Variants in EBF1 observed in about 807,000 individuals in gnomAD.
EBF1 encodes transcription factor COE1.
A neutral mutation model predicts 68.4 loss-of-function variants in EBF1; 10 were observed. That is an observed-to-expected ratio of 0.15 (90% confidence interval 0.09 to 0.25). The LOEUF (loss-of-function observed/expected upper bound fraction) is 0.25. Ranked by LOEUF, EBF1 falls within the 10% of genes least tolerant of loss-of-function variation. EBF1 has a pLI of 1.00. For missense variants in EBF1, 509 were observed against 794.4 expected (o/e 0.64, Z 4.32); for synonymous variants, 298 against 299.8 (o/e 0.99, Z 0.06).
chr5:158,713,055 C>A lies in EBF1; in HGVS notation c.1284G>T (p.Ser428=). The change falls in exon 13 of 16, where the codon TCG becomes TCT. Residue 428 remains serine (S), a synonymous_variant. Transcript: ENST00000313708. ...HNQLPALANT[S]VHAGMMGVNS... The stretch of plus-strand genomic sequence containing the variant: ...TCACGCCCATCATCCCTGCGTGGAC[C>A]GAGGTGTTAGCAAGGGCCGGGAGTT... The A allele has an allele frequency of 6.3e-7, 1 of 1,599,198 alleles. No individual in the cohort carries two copies. The highest frequency in any genetic ancestry group is 8.5e-7 in the Non-Finnish European group (1 of 1,171,650).
At chr5:159,073,299 C>A in intron 6 of EBF1, 97 bp downstream of exon 6, 1 of 1,295,078 alleles carries the variant, frequency 7.7e-7, no homozygotes, top group South Asian at 1.3e-5. Context: ...CAAATTTCAG[C>A]CACATGCATT....
chr5:158,830,620 C>T (rs994441253), intron 7 of EBF1, among the ~76,000 whole-genome samples: 1 of 111,860 alleles, frequency 8.9e-6, no homozygotes, highest in African/African-American at 3.1e-5. Flanking sequence ...CTGGACTCTC[C>T]TAATACTTCC....
chr5:158,826,214 AAC>A (rs1405864377), intron 7 of EBF1, among the ~76,000 whole-genome samples: 6 of 152,314 alleles, frequency 3.9e-5, no homozygotes, highest in Non-Finnish European at 7.4e-5. Flanking sequence ...TGCCCAGAGA[AAC>A]AGATGATGAG....
At chr5:158,845,521 G>A (rs1791289711) in intron 6 of EBF1, among the ~76,000 whole-genome samples, 1 of 152,124 alleles carries the variant, frequency 6.6e-6, no homozygotes, top group South Asian at 2.1e-4. Context: ...CTGCCATAGA[G>A]GAAGTGATAA....
intron 8 of EBF1, among the ~76,000 whole-genome samples, chr5:158,803,241 ATGT>A (rs1418395123): frequency 1.3e-5 from 2 of 151,880 alleles, no homozygotes; most frequent in Non-Finnish European, 2.9e-5. Flanking sequence ...AATTTTGGTG[ATGT>A]TGTACTTGGG....
chr5:158,926,601 G>A (rs989359920), intron 6 of EBF1, among the ~76,000 whole-genome samples: 3 of 151,904 alleles, frequency 2.0e-5, no homozygotes, highest in Admixed American at 1.3e-4. Flanking sequence ...GCACACACCT[G>A]TAATCCCAGC....
intron 10 of EBF1, among the ~76,000 whole-genome samples, chr5:158,742,619 A>G (rs942093406): frequency 6.6e-6 from 1 of 152,194 alleles, no homozygotes; most frequent in African/African-American, 2.4e-5. Context: ...CACAAACAGA[A>G]TTCTAAAACA....
rs534080245 is a variant in EBF1 at position 158,726,411 on chromosome 5, A to G, written c.1125+4658T>C. Among the ~76,000 whole-genome samples, 3 of 152,300 alleles carry G rather than the reference A, an allele frequency of 2.0e-5. No homozygotes were observed. The South Asian group carries it at 6.2e-4, about 32-fold the overall frequency. On this transcript the variant is annotated intron_variant, in intron 11 of 15. Coordinates refer to ENST00000313708, the MANE Select transcript of EBF1 (RefSeq NM_024007.5). ...GGAGGGCTGAAAAATCACACAACCA[A>G]TGAGTGTAATTACTCTTTTTTAAGT...
At chr5:158,853,199 C>G (rs1162376525) in intron 6 of EBF1, among the ~76,000 whole-genome samples, 1 of 152,176 alleles carries the variant, frequency 6.6e-6, no homozygotes, top group East Asian at 1.9e-4. Context: ...CAACTTCGCC[C>G]TCACTCAAGA....
intron 6 of EBF1, among the ~76,000 whole-genome samples, chr5:159,006,138 C>T (rs766787630): frequency 1.3e-5 from 2 of 152,200 alleles, no homozygotes; most frequent in Non-Finnish European, 2.9e-5. Context: ...GTTTTTGCAT[C>T]TCTGCCACTT....
chr5:159,058,777 A>T (rs79715625), intron 6 of EBF1, among the ~76,000 whole-genome samples: 1,853 of 152,262 alleles, frequency 0.012, 27 homozygotes, highest in African/African-American at 0.042. Flanking sequence ...TTTAATTTTC[A>T]CGTATCTTAG....
rs575265274 is a variant in EBF1 at position 158,871,682 on chromosome 5, G to A, written c.555-31572C>T. Among the ~76,000 whole-genome samples the A allele has an allele frequency of 2.6e-4, 40 of 152,190 alleles. 1 individual carries two copies. Among genetic ancestry groups the A allele is most frequent in the Non-Finnish European group, 4.3e-4 (29 of 68,028 alleles). Reference sequence around the variant, plus strand: ...TAGAATCATAAAATGTTACAATGGAGAACCTCTAATTCAGTCATGTCTTTC... The same window carrying A: ...TAGAATCATAAAATGTTACAATGGAAAACCTCTAATTCAGTCATGTCTTTC... On this transcript the variant is annotated intron_variant, in intron 6 of 15. Coordinates refer to ENST00000313708, the MANE Select transcript of EBF1 (RefSeq NM_024007.5).
chr5:159,030,095 G>GAA (rs11372955), intron 6 of EBF1, among the ~76,000 whole-genome samples: 1 of 151,646 alleles, frequency 6.6e-6, no homozygotes, highest in Admixed American at 6.6e-5. Flanking sequence ...TAGAGACACA[G>GAA]AAAAAATATA....
chr5:159,061,728 TG>T (rs1177484998), intron 6 of EBF1, among the ~76,000 whole-genome samples: 34 of 148,988 alleles, frequency 2.3e-4, no homozygotes, highest in African/African-American at 8.1e-4. Flanking sequence ...GAGATTGTTT[TG>T]TTTTTTTTTT....
chr5:158,728,020 C>G (rs776497113), intron 11 of EBF1, among the ~76,000 whole-genome samples: 1 of 152,178 alleles, frequency 6.6e-6, no homozygotes, highest in Non-Finnish European at 1.5e-5. Context: ...CTCACTGAAA[C>G]ACTCCTGTTT....
intron 6 of EBF1, among the ~76,000 whole-genome samples, chr5:158,897,837 G>C (rs1802470463): frequency 6.6e-6 from 1 of 152,158 alleles, no homozygotes; most frequent in Non-Finnish European, 1.5e-5. Context: ...GGAGAATTAT[G>C]TCTTGTCTCC....
chr5:158,839,992 C>T (rs764365601), intron 7 of EBF1, 37 bp downstream of exon 7: 4 of 1,581,204 alleles, frequency 2.5e-6, no homozygotes, highest in Non-Finnish European at 3.5e-6. Context: ...GATATTCATG[C>T]CATTATTGAG....
chr5:158,714,234 A>G (rs1306336887), intron 11 of EBF1, 52 bp from the exon 12 acceptor site: 1 of 1,595,370 alleles, frequency 6.3e-7, no homozygotes, highest in South Asian at 1.1e-5. Context: ...GGTTGTCGTT[A>G]TCTTTTGACA....
At chr5:158,852,940 ATTGG>A (rs929097117) in intron 6 of EBF1, among the ~76,000 whole-genome samples, 2 of 152,156 alleles carry the variant, frequency 1.3e-5, no homozygotes, top group Non-Finnish European at 2.9e-5. Context: ...TTATCACAAA[ATTGG>A]TTGATCATTT....
Sources: gnomAD v4.1 joint callset for allele counts (sites outside exome capture counted in the v4.1 genomes callset) on GRCh38, gnomAD v4.1.1 for gene constraint, MANE v1.5 for transcripts, NCBI Gene and HGNC (gene_info 2026-07-23, HGNC 2026-07-21) for gene names.